PLCL1: variants seen among roughly 807,000 people sequenced by gnomAD.
PLCL1 encodes the protein phospholipase C like 1 (inactive), also known as inactive phospholipase C-like protein 1.
In PLCL1, 41 loss-of-function variants were observed where a neutral mutation model predicts 84.4. The observed-to-expected ratio is 0.49, with a 90% CI of 0.38 to 0.63. The LOEUF is 0.63. PLCL1 is among the 30% of genes least tolerant of loss of function. PLCL1 has a pLI of 0.00. For synonymous variants in PLCL1, 490 were observed against 488.3 expected, an observed-to-expected ratio of 1.00 and a Z score of -0.05; for missense variants, 1,206 against 1,367.8, an observed-to-expected ratio of 0.88 and a Z score of 1.87.
chr2:198,028,418 T>C (rs1408687474), intron 1 of PLCL1, among the ~76,000 whole-genome samples: 1 of 152,146 alleles, frequency 6.6e-6, no homozygotes, highest in East Asian at 1.9e-4. Flanking sequence ...TATATGTAAA[T>C]ACTGTACATC....
chr2:197,972,270 G>A (rs952867662), intron 1 of PLCL1, among the ~76,000 whole-genome samples: 6 of 152,104 alleles, frequency 3.9e-5, no homozygotes, highest in Middle Eastern at 3.2e-3. Flanking sequence ...TGCAATGTCT[G>A]GAAAACTTGG....
intron 5 of PLCL1, among the ~76,000 whole-genome samples, chr2:198,141,685 C>T (rs1458098767): frequency 6.6e-6 from 1 of 152,024 alleles, no homozygotes. Flanking sequence ...CATCAATGGA[C>T]CAAATAAATA....
intron 1 of PLCL1, among the ~76,000 whole-genome samples, chr2:198,003,321 C>A (rs1251325129): frequency 6.6e-6 from 1 of 152,002 alleles, no homozygotes; most frequent in African/African-American, 2.4e-5. Context: ...TAGTGCTAGG[C>A]AAGGAAGGAA....
At chr2:198,074,427 T>A (rs972894867) in intron 1 of PLCL1, among the ~76,000 whole-genome samples, 5 of 152,206 alleles carry the variant, frequency 3.3e-5, no homozygotes, top group African/African-American at 9.6e-5. Context: ...TAAATATGCT[T>A]AATTCAAATT....
intron 1 of PLCL1, among the ~76,000 whole-genome samples, chr2:197,965,696 T>G (rs548926898): frequency 6.6e-6 from 1 of 152,304 alleles, no homozygotes; most frequent in Admixed American, 6.5e-5. Context: ...TACATTTCCC[T>G]TTTAGCACTG....
intron 1 of PLCL1, among the ~76,000 whole-genome samples, chr2:197,884,808 C>T (rs1687888703): frequency 6.6e-6 from 1 of 152,114 alleles, no homozygotes; most frequent in Admixed American, 6.6e-5. Context: ...CTTTCAGTTA[C>T]CTCCTGATTA....
At chr2:197,884,207 C>T (rs934037246) in intron 1 of PLCL1, among the ~76,000 whole-genome samples, 3 of 152,174 alleles carry the variant, frequency 2.0e-5, no homozygotes, top group Admixed American at 2.0e-4. Context: ...CCTGAAATGA[C>T]CAGCAACTTA....
At chr2:197,970,340 C>A (rs1055794376) in intron 1 of PLCL1, among the ~76,000 whole-genome samples, 1 of 152,208 alleles carries the variant, frequency 6.6e-6, no homozygotes, top group African/African-American at 2.4e-5. Context: ...TTAATCCATT[C>A]ATGAGAGTGC....
At chr2:197,842,747 A>AATT (rs1464602215) in intron 1 of PLCL1, among the ~76,000 whole-genome samples, 1 of 152,080 alleles carries the variant, frequency 6.6e-6, no homozygotes, top group Non-Finnish European at 1.5e-5. Context: ...CAGCACCTAA[A>AATT]ATTGTTCTTA....
chr2:197,869,108 A>G (rs1010898987), intron 1 of PLCL1, among the ~76,000 whole-genome samples: 1 of 152,142 alleles, frequency 6.6e-6, no homozygotes, highest in Non-Finnish European at 1.5e-5. Flanking sequence ...TGAGACAGAC[A>G]TTATTATTGC....
intron 1 of PLCL1, among the ~76,000 whole-genome samples, chr2:197,806,756 G>C (rs1690494378): frequency 6.6e-6 from 1 of 151,162 alleles, no homozygotes; most frequent in Non-Finnish European, 1.5e-5. Flanking sequence ...GGATTCTACT[G>C]TATTGATACT....
chr2:198,048,373 T>C lies in PLCL1; in HGVS notation c.241-35385T>C, dbSNP rs532083127. Among the ~76,000 whole-genome samples the C allele has an allele frequency of 8.5e-5, 13 of 152,354 alleles. No homozygotes were observed. In the South Asian group the frequency reaches 2.1e-3, roughly 24 times the overall value. On this transcript the variant is annotated intron_variant, in intron 1 of 5. Coordinates refer to ENST00000428675, the MANE Select transcript of PLCL1 (RefSeq NM_006226.4). ...GCCCAAAGGGGCAAACAAGCTCTCTTAGACCCTTTTATAAGGGCACTGTAT... is the reference window on the plus strand; with the variant it reads ...GCCCAAAGGGGCAAACAAGCTCTCTCAGACCCTTTTATAAGGGCACTGTAT...
chr2:197,896,627 T>C (rs886464405), intron 1 of PLCL1, among the ~76,000 whole-genome samples: 1 of 152,100 alleles, frequency 6.6e-6, no homozygotes, highest in East Asian at 1.9e-4. Flanking sequence ...TCAGGCATAA[T>C]AAATTGCAGA....
intron 1 of PLCL1, among the ~76,000 whole-genome samples, chr2:197,920,921 C>T (rs1247434053): frequency 6.6e-6 from 1 of 152,146 alleles, no homozygotes; most frequent in Non-Finnish European, 1.5e-5. Flanking sequence ...ATACTTATGC[C>T]TTTAGTATCT....
At chr2:197,939,241 G>T (rs555526719) in intron 1 of PLCL1, among the ~76,000 whole-genome samples, 1 of 152,250 alleles carries the variant, frequency 6.6e-6, no homozygotes, top group Middle Eastern at 3.4e-3. Context: ...TAGAGGACAG[G>T]TGAAATCAGA....
At chr2:197,952,772 G>A (rs1408650564) in intron 1 of PLCL1, among the ~76,000 whole-genome samples, 1 of 152,084 alleles carries the variant, frequency 6.6e-6, no homozygotes, top group Non-Finnish European at 1.5e-5. Context: ...TAGTGAATAA[G>A]TCTCATGAGA....
chr2:198,122,719 T>C lies in PLCL1; in HGVS notation c.3105+18783T>C, dbSNP rs1007170172. Among the ~76,000 whole-genome samples the C allele has an allele frequency of 9.9e-5, 15 of 152,268 alleles. No homozygotes were observed. The South Asian group carries it at 1.2e-3, about 13-fold the overall frequency. On this transcript the variant is annotated intron_variant, in intron 5 of 5. Coordinates refer to ENST00000428675, the MANE Select transcript of PLCL1 (RefSeq NM_006226.4). ...TTCACCATAAAGCTGGAATTAAGCA[T>C]ATGACTGATTGGAACTGAATTTGTT...
rs530512695 is a variant in PLCL1 at position 197,885,825 on chromosome 2, C to T, written c.240+80486C>T. Reference sequence around the variant, plus strand: ...TTTTGGCCATGTGCTGAATTGACCACGGTGTGGAGGAAGACATATTCTCCT... The same window carrying T: ...TTTTGGCCATGTGCTGAATTGACCATGGTGTGGAGGAAGACATATTCTCCT... On this transcript the variant is annotated intron_variant, in intron 1 of 5. Coordinates refer to ENST00000428675, the MANE Select transcript of PLCL1 (RefSeq NM_006226.4). Among the ~76,000 whole-genome samples the T allele has an allele frequency of 5.3e-5, 8 of 152,274 alleles. No homozygotes were observed. The South Asian group carries it at 1.2e-3, about 24-fold the overall frequency.
At chr2:197,926,705 G>A (rs957037486) in intron 1 of PLCL1, among the ~76,000 whole-genome samples, 1 of 152,126 alleles carries the variant, frequency 6.6e-6, no homozygotes, top group African/African-American at 2.4e-5. Flanking sequence ...TTTCTTTCTT[G>A]AAACTGGGGA....
Sources: allele counts gnomAD v4.1 joint callset (sites outside exome capture counted in the v4.1 genomes callset), GRCh38; gene constraint gnomAD v4.1.1; transcripts MANE v1.5; gene names NCBI Gene and HGNC (gene_info 2026-07-23, HGNC 2026-07-21).